Variants in CDYL observed in about 807,000 individuals in gnomAD.
The protein encoded by CDYL is chromodomain Y like.
A neutral mutation model predicts 47.3 loss-of-function variants in CDYL; 8 were observed. That is an observed-to-expected ratio of 0.17 (90% CI 0.10 to 0.31). The LOEUF is 0.31. Among genes scored for constraint, CDYL ranks in the 10% least tolerant of loss-of-function variants. CDYL has a pLI of 1.00. For missense variants in CDYL, 471 were observed against 701.4 expected (o/e 0.67, Z 3.71); for synonymous variants, 266 against 265.0 (o/e 1.00, Z -0.04).
intron 1 of CDYL, among the ~76,000 whole-genome samples, chr6:4,803,205 CCT>C (rs112477677): frequency 0.01 from 1,538 of 152,236 alleles, 38 homozygotes; most frequent in African/African-American, 0.035. Context: ...CAGCTGGCTC[CCT>C]GAGTTTTCCT....
At chr6:4,789,512 C>T (rs1758860285) in intron 1 of CDYL, among the ~76,000 whole-genome samples, 1 of 152,150 alleles carries the variant, frequency 6.6e-6, no homozygotes, top group Non-Finnish European at 1.5e-5. Context: ...TAGGCATCTC[C>T]CCCACTCCCA....
At chr6:4,876,700 C>G (rs1761630583) in intron 1 of CDYL, among the ~76,000 whole-genome samples, 1 of 152,050 alleles carries the variant, frequency 6.6e-6, no homozygotes, top group Admixed American at 6.5e-5. Context: ...TTTAATTATA[C>G]TTGGTCTTTT....
At chr6:4,852,394 C>G in intron 1 of CDYL, among the ~76,000 whole-genome samples, 1 of 130,040 alleles carries the variant, frequency 7.7e-6, no homozygotes, top group Non-Finnish European at 1.5e-5. Flanking sequence ...ATCTTCCTTC[C>G]TTCCTCCTTC....
chr6:4,747,515 C>T (rs1385154243), intron 3 of CDYL, among the ~76,000 whole-genome samples: 1 of 152,138 alleles, frequency 6.6e-6, no homozygotes, highest in Non-Finnish European at 1.5e-5. Flanking sequence ...TCTCATTTCC[C>T]CAACTGTGCG....
chr6:4,848,593 G>A (rs78933921), intron 1 of CDYL, among the ~76,000 whole-genome samples: 313 of 152,344 alleles, frequency 2.1e-3, no homozygotes, highest in African/African-American at 7.1e-3. Flanking sequence ...CAGCTGATCC[G>A]AAAGTTAAAT....
chr6:4,735,911 G>C (rs1227944138), intron 3 of CDYL, among the ~76,000 whole-genome samples: 2 of 152,148 alleles, frequency 1.3e-5, no homozygotes, highest in African/African-American at 4.8e-5. Context: ...GTGATGGGGG[G>C]GGGTGGGATG....
chr6:4,887,280 A>G (rs1039703013), intron 1 of CDYL, among the ~76,000 whole-genome samples: 6 of 152,208 alleles, frequency 3.9e-5, no homozygotes, highest in Admixed American at 6.5e-5. Flanking sequence ...CTAAAGATCA[A>G]TTTGGAGAGT....
intron 2 of CDYL, among the ~76,000 whole-genome samples, chr6:4,913,243 A>G (rs1757462662): frequency 6.6e-6 from 1 of 152,208 alleles, no homozygotes; most frequent in South Asian, 2.1e-4. Context: ...TAATTTTATT[A>G]ACACTCTTCC....
At chr6:4,928,882 TTTA>T (rs1236558254) in intron 2 of CDYL, among the ~76,000 whole-genome samples, 1 of 152,212 alleles carries the variant, frequency 6.6e-6, no homozygotes, top group African/African-American at 2.4e-5. Flanking sequence ...CAAAGCGGTT[TTTA>T]TTCATTTTTG....
intron 1 of CDYL, among the ~76,000 whole-genome samples, chr6:4,871,763 C>T (rs756053209): frequency 6.6e-5 from 10 of 152,192 alleles, no homozygotes; most frequent in African/African-American, 2.2e-4. Context: ...TACAAAGGGG[C>T]GCTTTCTCAC....
intron 1 of CDYL, among the ~76,000 whole-genome samples, chr6:4,819,984 A>G (rs1351314903): frequency 1.3e-5 from 2 of 152,256 alleles, no homozygotes; most frequent in Admixed American, 6.5e-5. Context: ...TCAGCAGGAC[A>G]AGAGTTGTTA....
chr6:4,789,507 A>G (rs1758859919), intron 1 of CDYL, among the ~76,000 whole-genome samples: 1 of 151,970 alleles, frequency 6.6e-6, no homozygotes, highest in Non-Finnish European at 1.5e-5. Flanking sequence ...CGCCCTAGGC[A>G]TCTCCCCCAC....
intron 2 of CDYL, among the ~76,000 whole-genome samples, chr6:4,927,459 G>GTGTGTGTGTGTGTGTC (rs1757911746): frequency 7.0e-6 from 1 of 142,170 alleles, no homozygotes; most frequent in African/African-American, 2.6e-5. Context: ...GTGTGTGTGT[G>GTGTGTGTGTGTGTGTC]TCTTTTGAGA....
At chr6:4,952,720 CATT>C (rs1758745064) in intron 6 of CDYL, among the ~76,000 whole-genome samples, 1 of 152,150 alleles carries the variant, frequency 6.6e-6, no homozygotes, top group Non-Finnish European at 1.5e-5. Context: ...CTTTCAGTCA[CATT>C]ATTAGCTTCT....
chr6:4,739,909 T>C lies in CDYL; in HGVS notation c.186+5065T>C, dbSNP rs141735956. Among the ~76,000 whole-genome samples the C allele has an allele frequency of 1.2e-3, 176 of 151,298 alleles. 1 individual carries two copies. The South Asian group carries it at 0.017, about 14-fold the overall frequency. ...CAGAGGTTGTGGTGAGCCAAGATCA[T>C]GCCATTGCACTCCAGCCTGGGCAAC... On this transcript the variant is annotated intron_variant, in intron 3 of 8. Transcript: ENST00000328908.
chr6:4,710,917 CCACACACACACACA>C (rs67002698), intron 1 of CDYL, among the ~76,000 whole-genome samples: 8 of 149,504 alleles, frequency 5.4e-5, no homozygotes, highest in Admixed American at 1.3e-4. Context: ...GGTGTTCTCA[CCACACACACACACA>C]CACACACACA....
intron 3 of CDYL, among the ~76,000 whole-genome samples, chr6:4,736,112 T>G (rs1757700618): frequency 6.6e-6 from 1 of 152,254 alleles, no homozygotes; most frequent in Non-Finnish European, 1.5e-5. Context: ...TTTGCTTCTA[T>G]GTGTTTGACT....
intron 1 of CDYL, among the ~76,000 whole-genome samples, chr6:4,849,828 A>C (rs1760770918): frequency 6.6e-6 from 1 of 151,658 alleles, no homozygotes; most frequent in African/African-American, 2.4e-5. Context: ...TGAAGCTCAC[A>C]TGTAGACCAC....
In CDYL at chr6:4,933,259, TTC is replaced by T. The variant is rs386696452; in HGVS notation, c.692-2255_692-2254del. Among the ~76,000 whole-genome samples the T allele has an allele frequency of 2.8e-3, 431 of 152,300 alleles. 2 individuals carry two copies. Among genetic ancestry groups the T allele is most frequent in the African/African-American group, 7.7e-3 (320 of 41,566 alleles). ...CCAAGTACCTCTCTCCAACCCTGAC[TTC>T]CCTCCCCTGATCTAGATGTGCACTT... On this transcript the variant is annotated intron_variant, in intron 2 of 6. Transcript: ENST00000397588.
Sources: allele counts gnomAD v4.1 joint callset (sites outside exome capture counted in the v4.1 genomes callset), GRCh38; gene constraint gnomAD v4.1.1; transcripts MANE v1.5; gene names NCBI Gene and HGNC (gene_info 2026-07-23, HGNC 2026-07-21).